EFHC2: variants seen among roughly 807,000 people sequenced by gnomAD.
The protein encoded by EFHC2 is EF-hand domain containing 2.
A neutral mutation model predicts 52.7 loss-of-function variants in EFHC2; 18 were observed. The observed-to-expected ratio is 0.34, with a 90% CI of 0.24 to 0.51. EFHC2 has a LOEUF of 0.51. Among genes scored for constraint, EFHC2 ranks in the 20% least tolerant of loss-of-function variants. EFHC2 has a pLI of 0.97. For missense variants in EFHC2, 513 were observed against 562.5 expected (o/e 0.91, Z 0.89); for synonymous variants, 203 against 204.1 (o/e 0.99, Z 0.04).
At chrX:44,335,816 T>C (rs2038113035) in intron 1 of EFHC2, among the ~76,000 whole-genome samples, 1 of 111,962 alleles carries the variant, frequency 8.9e-6, no homozygotes, top group Non-Finnish European at 1.9e-5. Context: ...TTTAAGAGAA[T>C]GAAAATTCAA....
intron 7 of EFHC2, among the ~76,000 whole-genome samples, chrX:44,243,434 G>A (rs772144610): frequency 8.9e-6 from 1 of 112,118 alleles, no homozygotes; most frequent in Non-Finnish European, 1.9e-5. Flanking sequence ...ACCTCCGGAA[G>A]AGAAAATGGA....
At chrX:44,196,943 G>T (rs2036970269) in intron 11 of EFHC2, among the ~76,000 whole-genome samples, 1 of 112,075 alleles carries the variant, frequency 8.9e-6, no homozygotes, top group Non-Finnish European at 1.9e-5. Flanking sequence ...TTGCTAGACT[G>T]CCTGATGCAA....
At chrX:44,163,322 C>T (rs975494997) in intron 14 of EFHC2, among the ~76,000 whole-genome samples, 1 of 112,018 alleles carries the variant, frequency 8.9e-6, no homozygotes, top group Non-Finnish European at 1.9e-5. Context: ...CCACCACCCA[C>T]CCACCCACTT....
In EFHC2 at chrX:44,242,288, C is replaced by T. The variant is rs1308421415; in HGVS notation, c.1113G>A (p.Glu371=). ...KSYYKSKYGI[E]NFTSVSCKPP... ...GCTTGCATGAAACTGAGGTAAAGTTCTCTAGAACAAAACAAAGGCAAACAA... is the reference window on the plus strand; with the variant it reads ...GCTTGCATGAAACTGAGGTAAAGTTTTCTAGAACAAAACAAAGGCAAACAA... Residue 371 remains glutamate (E), a splice_region_variant and synonymous_variant, in exon 8 of 15, where the codon GAG becomes GAA. Coordinates refer to ENST00000420999, the MANE Select transcript of EFHC2 (RefSeq NM_025184.4). The T allele has an allele frequency of 3.3e-6, 4 of 1,200,583 alleles. No homozygotes were observed. The African/African-American group carries it at 5.3e-5, about 16-fold the overall frequency.
intron 2 of EFHC2, among the ~76,000 whole-genome samples, chrX:44,290,798 C>G (rs1015247606): frequency 8.9e-6 from 1 of 111,846 alleles, no homozygotes; most frequent in Non-Finnish European, 1.9e-5. Context: ...CTTTGTATGC[C>G]GTTGCCTGTT....
rs760399388 is a variant in EFHC2 at position 44,182,980 on chromosome X, A to G, written c.1752-4416T>C. On this transcript the variant is annotated intron_variant, in intron 11 of 14. Coordinates refer to ENST00000420999, the MANE Select transcript of EFHC2 (RefSeq NM_025184.4). ...ATTCTACGCAGAATTCTGAAACATGAAACGCTAAACAGCTTTATAAGACAT... is the reference window on the plus strand; with the variant it reads ...ATTCTACGCAGAATTCTGAAACATGGAACGCTAAACAGCTTTATAAGACAT... 2.3e-4 allele frequency among the ~76,000 whole-genome samples: 26 copies of G among 111,826 alleles called. No homozygotes were observed. In the South Asian group the frequency reaches 9.4e-3, roughly 40 times the overall value.
At chrX:44,210,760 T>G (rs184755460) in intron 11 of EFHC2, among the ~76,000 whole-genome samples, 1 of 112,614 alleles carries the variant, frequency 8.9e-6, no homozygotes, top group Non-Finnish European at 1.9e-5. Context: ...TGTGTGGCCT[T>G]GGATTAGGCC....
At position 44,148,914 on chromosome X, in the gene EFHC2, A is replaced by C. The variant is rs2036547138; in HGVS notation, c.2149-18T>G. On this transcript the variant is annotated intron_variant, in intron 14 of 14. Coordinates refer to ENST00000420999, the MANE Select transcript of EFHC2 (RefSeq NM_025184.4). ...TCACATCTCTAGAAAAAAACCAAAAATGGATATGATTAGAACCACATTTCA... is the reference window on the plus strand; with the variant it reads ...TCACATCTCTAGAAAAAAACCAAAACTGGATATGATTAGAACCACATTTCA... 2 of 1,123,353 alleles carry C rather than the reference A, an allele frequency of 1.8e-6. No individual in the cohort carries two copies. Among genetic ancestry groups the C allele is most frequent in the African/African-American group, 3.6e-5 (2 of 55,588 alleles). 92.6% of individuals were successfully genotyped at this position (1,123,353 alleles called of 1,213,427 possible).
intron 2 of EFHC2, among the ~76,000 whole-genome samples, chrX:44,277,258 C>CA (rs753856788): frequency 0.11 from 2,217 of 20,644 alleles, 161 homozygotes; most frequent in African/African-American, 0.28. Context: ...GACTCCAGCT[C>CA]AAAAAAAAAA....
intron 1 of EFHC2, among the ~76,000 whole-genome samples, chrX:44,314,123 T>C (rs1371146655): frequency 9.0e-6 from 1 of 111,264 alleles, no homozygotes; most frequent in Non-Finnish European, 1.9e-5. Context: ...AAGCAGCAAA[T>C]ACAAGATTAT....
At chrX:44,229,562 T>C in intron 11 of EFHC2, 87 bp downstream of exon 11, 1 of 1,102,946 alleles carries the variant, frequency 9.1e-7, no homozygotes, top group East Asian at 3.1e-5. Context: ...TAAAAAATAG[T>C]TAACTGATTA....
In EFHC2 at chrX:44,298,907, A is replaced by G. The variant is rs183724808; in HGVS notation, c.231+13661T>C. On this transcript the variant is annotated intron_variant, in intron 2 of 14. Transcript: ENST00000420999. ...AAAAGGCTCATTTTATTACATATAA[A>G]TTATACCTCAATAAAGTTGATTTTA... Among the ~76,000 whole-genome samples the G allele has an allele frequency of 7.4e-4, 80 of 107,730 alleles. No individual in the cohort carries two copies. The East Asian group carries it at 0.014, about 18-fold the overall frequency. 93.6% of individuals were successfully genotyped at this position (107,730 alleles called of 115,157 possible).
Position 44,250,342 on chromosome X carries a change from T to G in EFHC2, c.710A>C (p.Asp237Ala). 1.7e-6 allele frequency: 2 copies of G among 1,211,089 alleles called. No individual in the cohort carries two copies. The highest frequency in any genetic ancestry group is 2.2e-6 in the Non-Finnish European group (2 of 895,225). Residue 237 changes from aspartate (D) to alanine (A), a missense_variant, in exon 5 of 15, where the codon GAT (aspartate) becomes GCT (alanine). By Grantham distance (126) the Asp-to-Ala change is moderately radical. Transcript: ENST00000420999. ...GKILCFFCLW[D>A]DSVSMFGDRR... The stretch of plus-strand genomic sequence containing the variant: ...GTCTCCAAACATTGAGACTGAGTCA[T>G]CCCACAGGCAGAAGAAACACAAAAT...
At chrX:44,268,923 A>G (rs1252193059) in intron 3 of EFHC2, among the ~76,000 whole-genome samples, 3 of 111,604 alleles carry the variant, frequency 2.7e-5, no homozygotes, top group African/African-American at 9.8e-5. Flanking sequence ...ATTTCCTGAA[A>G]GATTTACCAT....
chrX:44,169,872 A>G (rs1430418962), intron 13 of EFHC2, among the ~76,000 whole-genome samples: 1 of 111,794 alleles, frequency 8.9e-6, no homozygotes, highest in African/African-American at 3.3e-5. Context: ...TTCAGTCACT[A>G]TAACAGGAAG....
At chrX:44,169,219 C>A (rs2036723978) in intron 13 of EFHC2, among the ~76,000 whole-genome samples, 1 of 111,490 alleles carries the variant, frequency 9.0e-6, no homozygotes, top group Admixed American at 9.5e-5. Flanking sequence ...TAATAAAAAA[C>A]AAAATCTGGG....
chrX:44,226,565 C>T (rs1024857074), intron 11 of EFHC2, among the ~76,000 whole-genome samples: 2 of 111,162 alleles, frequency 1.8e-5, no homozygotes, highest in African/African-American at 3.3e-5. Context: ...GAGGGGGAAA[C>T]GTCCCAGAGG....
In EFHC2 at chrX:44,272,711, C is replaced by T. The variant is rs2037626183; in HGVS notation, c.357G>A (p.Glu119=). 1.7e-6 allele frequency: 2 copies of T among 1,168,835 alleles called. No homozygotes were observed. Among genetic ancestry groups the T allele is most frequent in the African/African-American group, 3.6e-5 (2 of 56,096 alleles). ...CTTGAAGTAATCCACTATTTTTCAC[C>T]TCTGGTTCATTTACTTGAATTGTGT... is the stretch of plus-strand genomic sequence containing the variant. ...EDDTIQVNEP[E]VKNSGLLQGT... Residue 119 remains glutamate, a synonymous_variant, in exon 3 of 15, where the codon GAG becomes GAA. Coordinates refer to ENST00000420999, the MANE Select transcript of EFHC2 (RefSeq NM_025184.4).
At chrX:44,294,115 C>A (rs2037811080) in intron 2 of EFHC2, among the ~76,000 whole-genome samples, 1 of 111,062 alleles carries the variant, frequency 9.0e-6, no homozygotes, top group African/African-American at 3.3e-5. Context: ...GCTTTTTCTT[C>A]CCTTGGGATG....
Sources: allele counts gnomAD v4.1 joint callset (sites outside exome capture counted in the v4.1 genomes callset), GRCh38; gene constraint gnomAD v4.1.1; transcripts MANE v1.5; gene names NCBI Gene and HGNC (gene_info 2026-07-23, HGNC 2026-07-21).